The following ARAP1 variants were observed in gnomAD, a reference collection of about 807,000 sequenced individuals.
ARAP1 encodes the protein arf-GAP with Rho-GAP domain, ANK repeat and PH domain-containing protein 1.
In ARAP1, 76 loss-of-function variants were observed where a neutral mutation model predicts 172.2. The ratio of observed to expected loss-of-function variants is 0.44; its 90% CI spans 0.37 to 0.53. The LOEUF is 0.53. ARAP1 is among the 20% of genes least tolerant of loss of function. The pLI, the probability that ARAP1 is intolerant of heterozygous loss-of-function variation, is 0.00. For synonymous variants in ARAP1, 804 were observed against 803.3 expected, an observed-to-expected ratio of 1.00 and a Z score of -0.01; for missense variants, 1,686 against 1,977.5, an observed-to-expected ratio of 0.85 and a Z score of 2.80.
chr11:72,696,934 G>A, intron 22 of ARAP1, 49 bp downstream of exon 22: 1 of 1,561,804 alleles, frequency 6.4e-7, no homozygotes, highest in South Asian at 1.1e-5. Context: ...CAGGAGTCCG[G>A]AGGGATGGGT....
In ARAP1 at chr11:72,695,384, T is replaced by A. The variant is rs751306828; in HGVS notation, c.3576+3A>T. 6.2e-7 allele frequency: 1 copy of A among 1,614,070 alleles called. No individual in the cohort carries two copies. Among genetic ancestry groups the A allele is most frequent in the South Asian group, 1.1e-5 (1 of 91,096 alleles). ...CCCTTGGCTTCTAGGTCCCAGCACC[T>A]ACCTTGATATGCTGCTCAGTCTCTG... is the stretch of plus-strand genomic sequence containing the variant. On this transcript the variant is annotated splice_donor_region_variant and intron_variant, in intron 26 of 34. Transcript: ENST00000393609. The surrounding 1 kb of genome is among the most constrained non-coding windows in gnomAD (Gnocchi z 4.4).
chr11:72,744,814 G>A (rs1393567145), intron 1 of ARAP1, among the ~76,000 whole-genome samples: 1 of 152,170 alleles, frequency 6.6e-6, no homozygotes, highest in East Asian at 1.9e-4. Context: ...AGGCAGTAGA[G>A]GCAAATGAGT....
In ARAP1 at chr11:72,711,145, G is replaced by C; in HGVS notation, c.1093-4C>G. 3.7e-6 allele frequency: 6 copies of C among 1,614,064 alleles called. No homozygotes were observed. Among genetic ancestry groups the C allele is most frequent in the Non-Finnish European group, 4.2e-6 (5 of 1,179,986 alleles). On this transcript the variant is annotated splice_polypyrimidine_tract_variant and splice_region_variant and intron_variant, in intron 8 of 34. Transcript: ENST00000393609. ...TAAAGCGCTTAGAGTAAGCGTCCTG[G>C]GGGAGAGACAGGAACTATATTTTGG...
At chr11:72,728,067 C>A (rs960747872) in intron 2 of ARAP1, among the ~76,000 whole-genome samples, 7 of 152,314 alleles carry the variant, frequency 4.6e-5, no homozygotes, top group African/African-American at 1.7e-4. Context: ...TTGATACTTT[C>A]TTAAATGAGA....
In ARAP1 at chr11:72,714,169, C is replaced by CGTACCGGCTTTGGT. The variant is rs1857171313; in HGVS notation, c.661_662insACCAAAGCCGGTAC (p.Arg221HisfsTer30). ...GCACTCACCGAACTCTGGGAACAGG[C>CGTACCGGCTTTGGT]GTACCGGCTTTGGAGGTATCTCCGG... On this transcript the variant is annotated frameshift_variant, in exon 4 of 35. Coordinates refer to ENST00000393609, the MANE Select transcript of ARAP1 (RefSeq NM_001040118.3). LOFTEE classifies it high-confidence loss of function. 6.7e-7 allele frequency: 1 copy of CGTACCGGCTTTGGT among 1,501,292 alleles called. No individual in the cohort carries two copies. The highest frequency in any genetic ancestry group is 8.8e-7 in the Non-Finnish European group (1 of 1,131,810). 93.0% of individuals were successfully genotyped at this position (1,501,292 alleles called of 1,614,324 possible). A position where few individuals can be genotyped will look rare whatever the true frequency, so the allele number is the denominator to read the frequency against.
chr11:72,716,677 G>A (rs922830193), intron 3 of ARAP1, among the ~76,000 whole-genome samples: 1 of 152,262 alleles, frequency 6.6e-6, no homozygotes. Context: ...TTCAAAGCCA[G>A]GATGGCTCCC....
intron 33 of ARAP1, among the ~76,000 whole-genome samples, chr11:72,686,490 C>T (rs1444541437): frequency 6.6e-6 from 1 of 152,188 alleles, no homozygotes; most frequent in African/African-American, 2.4e-5. Context: ...TCGGGAACTA[C>T]AAAATCCACC....
At chr11:72,720,277 G>T (rs545223885) in intron 3 of ARAP1, among the ~76,000 whole-genome samples, 1 of 152,176 alleles carries the variant, frequency 6.6e-6, no homozygotes, top group South Asian at 2.1e-4. Context: ...GACTCTCAGG[G>T]GCCCGGGCCT....
rs1464965564 is a variant in ARAP1, at chr11:72,693,377, TC to T, written c.3901del (p.Asp1301IlefsTer48). On this transcript the variant is annotated frameshift_variant, in exon 29 of 35. Transcript: ENST00000393609. LOFTEE classifies it high-confidence loss of function. The surrounding 1 kb of genome is among the most constrained non-coding windows in gnomAD (Gnocchi z 4.6). ...GLGLPSGGFH[D>X]RYFILNSSCL... ...GCTGCTGTTGAGGATGAAGTAGCGA[TC>T]GTGGAAGCCACCTGAGGGCAGGCCC... 6.2e-7 allele frequency: 1 copy of T among 1,613,864 alleles called. No individual in the cohort carries two copies.
chr11:72,712,136 T>A, intron 7 of ARAP1, 60 bp downstream of exon 7: 2 of 1,500,438 alleles, frequency 1.3e-6, no homozygotes. Context: ...CCTGGGGTCC[T>A]GGACACTGCC....
chr11:72,730,016 A>C (rs1217430730), intron 2 of ARAP1, among the ~76,000 whole-genome samples: 1 of 152,164 alleles, frequency 6.6e-6, no homozygotes, highest in East Asian at 1.9e-4. Context: ...GAAATATTCA[A>C]CTCTACAAAA....
chr11:72,729,391 A>C (rs1857790883), intron 2 of ARAP1, among the ~76,000 whole-genome samples: 1 of 152,214 alleles, frequency 6.6e-6, no homozygotes, highest in South Asian at 2.1e-4. Context: ...CAGGAGTTTG[A>C]GACCAGCTTG....
intron 30 of ARAP1, among the ~76,000 whole-genome samples, chr11:72,691,309 T>G (rs1341771457): frequency 6.6e-6 from 1 of 152,158 alleles, no homozygotes; most frequent in Non-Finnish European, 1.5e-5. Context: ...TCTCATCCCT[T>G]TTTCTAGCTC....
chr11:72,726,742 G>A lies in ARAP1; in HGVS notation c.387C>T (p.Phe129=), dbSNP rs1327895084. The change falls in exon 3 of 35, where the codon TTC becomes TTT. Residue 129 remains phenylalanine (F), a synonymous_variant. Transcript: ENST00000393609. The surrounding 1 kb of genome is among the most constrained non-coding windows in gnomAD (Gnocchi z 6.5). ...PRRSCLPPTC[F]TTPSTAAPDP... ...CTGGGGCAGCTGTGGATGGGGTGGT[G>A]AAGCAGGTGGGCGGAAGGCAGCTCC... 2.9e-6 allele frequency: 4 copies of A among 1,390,152 alleles called. No individual in the cohort carries two copies. The highest frequency in any genetic ancestry group is 3.8e-5 in the East Asian group (1 of 26,522). The allele number at this position is 1,390,152 out of a possible 1,614,324, so 86.1% of individuals were successfully genotyped here. A position where few individuals can be genotyped will look rare whatever the true frequency, so the allele number is the denominator to read the frequency against.
At chr11:72,738,225 T>G (rs1827842887) in intron 1 of ARAP1, among the ~76,000 whole-genome samples, 3 of 151,836 alleles carry the variant, frequency 2.0e-5, no homozygotes, top group Admixed American at 6.6e-5. Flanking sequence ...GTCAGTGGGG[T>G]GGGAACAGAA....
In ARAP1 at chr11:72,725,948, C is replaced by A. The variant is rs1249656649; in HGVS notation, c.509+672G>T. ...GGATGCTCCCTGACAGCCGGGCATC[C>A]CAGCAGATGGCAGGAAGGGAGGGCG... On this transcript the variant is annotated intron_variant, in intron 3 of 34. Transcript: ENST00000393609. This position sits in a 1 kb window ranked among gnomAD's most constrained non-coding sequence, Gnocchi z 4.3. 6.6e-6 allele frequency among the ~76,000 whole-genome samples: 1 copy of A among 152,080 alleles called. No individual in the cohort carries two copies. The highest frequency in any genetic ancestry group is 2.4e-5 in the African/African-American group (1 of 41,404).
chr11:72,737,061 C>T (rs990460049), intron 1 of ARAP1, among the ~76,000 whole-genome samples: 13 of 152,200 alleles, frequency 8.5e-5, no homozygotes, highest in African/African-American at 3.1e-4. Flanking sequence ...CCCTGACTGC[C>T]CCCTCAAGCT....
At position 72,726,051 on chromosome 11, in the gene ARAP1, G is replaced by A. The variant is rs1015173271; in HGVS notation, c.509+569C>T. On this transcript the variant is annotated intron_variant, in intron 3 of 34. Transcript: ENST00000393609. The surrounding 1 kb of genome is among the most constrained non-coding windows in gnomAD (Gnocchi z 6.5). ...AAAACACAGGGTACCAGAAGCCCCA[G>A]AGGGGAAACAGTTCTGAGGAGGGAG... Among the ~76,000 whole-genome samples, 1 of 152,172 alleles carries A rather than the reference G, an allele frequency of 6.6e-6. No homozygotes were observed. The highest frequency in any genetic ancestry group is 1.5e-5 in the Non-Finnish European group (1 of 68,020).
chr11:72,688,313 T>C (rs1198090125), intron 31 of ARAP1, 142 bp downstream of exon 31: 1 of 681,696 alleles, frequency 1.5e-6, no homozygotes, highest in East Asian at 2.7e-5. Context: ...TGTGTCCAGG[T>C]GATGCTGCTG....
Sources: allele counts gnomAD v4.1 joint callset (sites outside exome capture counted in the v4.1 genomes callset), GRCh38; gene constraint gnomAD v4.1.1; non-coding constraint Gnocchi (gnomAD v3.1); transcripts MANE v1.5; gene names NCBI Gene and HGNC (gene_info 2026-07-23, HGNC 2026-07-21).